The following PTPRZ1 variants were observed in gnomAD, a reference collection of about 807,000 sequenced individuals.
PTPRZ1 encodes the protein protein tyrosine phosphatase receptor type Z1, also known as receptor-type tyrosine-protein phosphatase zeta.
In PTPRZ1, 82 loss-of-function variants were observed where a neutral mutation model predicts 214.1. The ratio of observed to expected loss-of-function variants is 0.38; its 90% CI spans 0.32 to 0.46. PTPRZ1 has a LOEUF of 0.46. Among genes scored for constraint, PTPRZ1 ranks in the 20% least tolerant of loss-of-function variants. PTPRZ1 has a pLI of 1.00. For synonymous variants in PTPRZ1, 945 were observed against 987.9 expected (o/e 0.96, Z 0.81); for missense variants, 2,603 against 2,748.7 (o/e 0.95, Z 1.19).
At chr7:121,891,290 C>T (rs1011158051) in intron 1 of PTPRZ1, among the ~76,000 whole-genome samples, 7 of 151,748 alleles carry the variant, frequency 4.6e-5, no homozygotes, top group African/African-American at 1.7e-4. Context: ...TAGTTCTTAT[C>T]ACTCATGCAT....
intron 21 of PTPRZ1, among the ~76,000 whole-genome samples, chr7:122,041,273 T>G (rs975179904): frequency 6.6e-6 from 1 of 152,212 alleles, no homozygotes; most frequent in Admixed American, 6.5e-5. Flanking sequence ...ATGTTTTTGT[T>G]GTTAAACAAA....
At chr7:122,002,219 T>C (rs1042269924) in intron 10 of PTPRZ1, among the ~76,000 whole-genome samples, 28 of 152,234 alleles carry the variant, frequency 1.8e-4, no homozygotes, top group Admixed American at 6.5e-5. Flanking sequence ...AATAGAGGTA[T>C]TGAAGTATTC....
Position 121,991,922 on chromosome 7 carries a change from T to C in PTPRZ1, c.929-4460T>C, listed in dbSNP as rs555624834. 2.0e-5 allele frequency among the ~76,000 whole-genome samples: 3 copies of C among 152,328 alleles called. No individual in the cohort carries two copies. In the East Asian group the frequency reaches 5.8e-4, roughly 29 times the overall value. On this transcript the variant is annotated intron_variant, in intron 8 of 29. Transcript: ENST00000393386. Reference sequence around the variant, plus strand: ...ACAACCTCATTGGTTACCTTCTGGGTCTGTAAGTCATTCAGCTTTTCTCTC... The same window carrying C: ...ACAACCTCATTGGTTACCTTCTGGGCCTGTAAGTCATTCAGCTTTTCTCTC...
rs1175125873 is a variant in PTPRZ1 at position 122,030,544 on chromosome 7, A to G, written c.5081-930A>G. Among the ~76,000 whole-genome samples the G allele has an allele frequency of 3.3e-5, 5 of 152,166 alleles. No individual in the cohort carries two copies. In the East Asian group the frequency reaches 7.7e-4, roughly 23 times the overall value. On this transcript the variant is annotated intron_variant, in intron 14 of 29. Coordinates refer to ENST00000393386, the MANE Select transcript of PTPRZ1 (RefSeq NM_002851.3). Reference sequence around the variant, plus strand: ...TTCTTAAGCTTGACTGACTAATTCAATTTTAGTATTCAGATCCACTCATCT... The same window carrying G: ...TTCTTAAGCTTGACTGACTAATTCAGTTTTAGTATTCAGATCCACTCATCT...
At position 122,013,116 on chromosome 7, in the gene PTPRZ1, C is replaced by T; in HGVS notation, c.4070C>T (p.Ser1357Phe). 1 of 1,614,048 alleles carries T rather than the reference C, an allele frequency of 6.2e-7. No individual in the cohort carries two copies. The highest frequency in any genetic ancestry group is 1.1e-5 in the South Asian group (1 of 91,086). ...TTTGCTGGTATTCCAACAGTTGCTT[C>T]TGATACATTTGTATCTACTGATCAT... is the stretch of plus-strand genomic sequence containing the variant. Reference protein sequence around the residue: ...KVFAGIPTVASDTFVSTDHSV... With the variant: ...KVFAGIPTVAFDTFVSTDHSV... The change falls in exon 12 of 30, where the codon TCT (serine) becomes TTT (phenylalanine). Residue 1357 changes from serine to phenylalanine, a missense_variant. By Grantham distance (155) the Ser-to-Phe change is radical (BLOSUM62 -2). This residue lies in a region of PTPRZ1 where 1,913 missense variants were observed against 1,914.3 expected (regional missense o/e 1.00). Coordinates refer to ENST00000393386, the MANE Select transcript of PTPRZ1 (RefSeq NM_002851.3).
chr7:122,047,946 A>G (rs1206354), intron 23 of PTPRZ1, among the ~76,000 whole-genome samples: 97,390 of 151,968 alleles, frequency 0.64, 32,963 homozygotes, highest in African/African-American at 0.88. Context: ...GAGCCACTGC[A>G]CCTGGCCCAT....
chr7:122,012,018 C>G lies in PTPRZ1; in HGVS notation c.2972C>G (p.Ser991Cys), dbSNP rs758084236. Residue 991 changes from serine to cysteine, a missense_variant, in exon 12 of 30, where the codon TCT (serine) becomes TGT (cysteine). Coordinates refer to ENST00000393386, the MANE Select transcript of PTPRZ1 (RefSeq NM_002851.3). ...TTACTGCAGCCTACTCATGCCCTCT[C>G]TGGTGATGGGGAATGGTCTGGAGCC... Reference protein sequence around the residue: ...ASLLQPTHALSGDGEWSGASS... With the variant: ...ASLLQPTHALCGDGEWSGASS... 2 of 1,614,238 alleles carry G rather than the reference C, an allele frequency of 1.2e-6. No individual in the cohort carries two copies. Among genetic ancestry groups the G allele is most frequent in the East Asian group, 2.2e-5 (1 of 44,886 alleles).
chr7:121,939,660 TA>T (rs756564442), intron 2 of PTPRZ1, among the ~76,000 whole-genome samples: 27 of 152,228 alleles, frequency 1.8e-4, no homozygotes, highest in Non-Finnish European at 1.9e-4. Context: ...ATTTTAAACT[TA>T]CTGACAAAGG....
Position 121,976,492 on chromosome 7 carries a change from T to C in PTPRZ1, c.552+224T>C, listed in dbSNP as rs71571053. On this transcript the variant is annotated intron_variant, in intron 5 of 29. Coordinates refer to ENST00000393386, the MANE Select transcript of PTPRZ1 (RefSeq NM_002851.3). ...TTTCTAGCTGGGGCAAAGTGTTCTA[T>C]TAAGTACACAGATTTGCTTATAGTA... 2.6e-3 allele frequency among the ~76,000 whole-genome samples: 400 copies of C among 152,306 alleles called. No homozygotes were observed. The Middle Eastern group carries it at 0.034, about 13-fold the overall frequency.
chr7:121,927,048 T>A lies in PTPRZ1; in HGVS notation c.59-1108T>A, dbSNP rs548671645. Among the ~76,000 whole-genome samples the A allele has an allele frequency of 2.6e-5, 4 of 152,282 alleles. No homozygotes were observed. In the East Asian group the frequency reaches 7.7e-4, roughly 29 times the overall value. The stretch of plus-strand genomic sequence containing the variant: ...ACCATGTTGTAATAATCAGATAGTA[T>A]ATAACATGAAAGAAAGAAAAATAAA... On this transcript the variant is annotated intron_variant, in intron 1 of 29. Transcript: ENST00000393386.
chr7:121,883,609 A>G (rs1794305171), intron 1 of PTPRZ1, among the ~76,000 whole-genome samples: 1 of 152,198 alleles, frequency 6.6e-6, no homozygotes, highest in South Asian at 2.1e-4. Flanking sequence ...TTTGTTTAAA[A>G]ATTGACTTTG....
At chr7:121,954,410 T>A (rs948899796) in intron 2 of PTPRZ1, among the ~76,000 whole-genome samples, 2 of 152,192 alleles carry the variant, frequency 1.3e-5, no homozygotes, top group African/African-American at 4.8e-5. Context: ...CAAACAGCCA[T>A]GCACTCTGTC....
intron 11 of PTPRZ1, among the ~76,000 whole-genome samples, chr7:122,008,626 A>T (rs991719499): frequency 1.3e-5 from 2 of 152,116 alleles, no homozygotes; most frequent in Non-Finnish European, 2.9e-5. Context: ...CCCTGAAAAC[A>T]GGAAGGCCAT....
chr7:121,926,564 T>C (rs1795770218), intron 1 of PTPRZ1, among the ~76,000 whole-genome samples: 2 of 152,192 alleles, frequency 1.3e-5, no homozygotes, highest in African/African-American at 4.8e-5. Context: ...CCATGTATTG[T>C]ATCATTCTGT....
chr7:121,986,484 A>G (rs999698304), intron 8 of PTPRZ1, among the ~76,000 whole-genome samples: 3 of 152,226 alleles, frequency 2.0e-5, no homozygotes, highest in African/African-American at 7.2e-5. Context: ...TCCTAAGGTC[A>G]AACACAGAAA....
chr7:121,908,245 C>G (rs936527356), intron 1 of PTPRZ1, among the ~76,000 whole-genome samples: 2 of 152,008 alleles, frequency 1.3e-5, no homozygotes, highest in African/African-American at 4.8e-5. Flanking sequence ...CTTATATGGT[C>G]AGGTTATACA....
intron 5 of PTPRZ1, 97 bp downstream of exon 5, chr7:121,976,365 G>T: frequency 1.3e-6 from 1 of 770,026 alleles, no homozygotes; most frequent in East Asian, 2.7e-5. Flanking sequence ...AAAGAGAGGA[G>T]CTCACAAGTA....
chr7:122,026,450 A>G (rs1263660777), intron 13 of PTPRZ1, among the ~76,000 whole-genome samples: 3 of 152,224 alleles, frequency 2.0e-5, no homozygotes, highest in Non-Finnish European at 4.4e-5. Flanking sequence ...ATATGTCAGA[A>G]TATGCTCCAT....
In PTPRZ1 at chr7:121,983,788, T is replaced by G; in HGVS notation, c.743T>G (p.Val248Gly). Reference protein sequence around the residue: ...PPCTDTVDWIVFKDTVSISES... With the variant: ...PPCTDTVDWIGFKDTVSISES... ...TGCACAGACACAGTTGACTGGATTG[T>G]TTTTAAAGATACAGTTAGCATCTCT... Residue 248 changes from valine to glycine, a missense_variant, in exon 7 of 30, where the codon GTT becomes GGT. Coordinates refer to ENST00000393386, the MANE Select transcript of PTPRZ1 (RefSeq NM_002851.3). 1 of 1,613,414 alleles carries G rather than the reference T, an allele frequency of 6.2e-7. No individual in the cohort carries two copies.
Sources: allele counts gnomAD v4.1 joint callset (sites outside exome capture counted in the v4.1 genomes callset), GRCh38; gene constraint gnomAD v4.1.1; regional missense constraint gnomAD v4.1.1; transcripts MANE v1.5; gene names NCBI Gene and HGNC (gene_info 2026-07-23, HGNC 2026-07-21).